EVI5L: variants seen among roughly 807,000 people sequenced by gnomAD.
EVI5L encodes EVI5-like protein.
In EVI5L, 30 loss-of-function variants were observed where a neutral mutation model predicts 106.1. That is an observed-to-expected ratio of 0.28 (90% confidence interval 0.21 to 0.38). The LOEUF (loss-of-function observed/expected upper bound fraction) is 0.38, where lower values mean the gene tolerates loss of function less well. Among genes scored for constraint, EVI5L ranks in the 10% least tolerant of loss-of-function variants. The pLI, the probability that EVI5L is intolerant of heterozygous loss-of-function variation, is 1.00. For missense variants in EVI5L, 809 were observed against 1,098.0 expected (o/e 0.74, Z 3.72); for synonymous variants, 489 against 483.3 (o/e 1.01, Z -0.15).
Position 7,857,428 on chromosome 19 carries a change from A to C in EVI5L, c.1233+304A>C, listed in dbSNP as rs1027742001. The C allele has an allele frequency of 2.1e-5, 12 of 563,354 alleles. No homozygotes were observed. The highest frequency in any genetic ancestry group is 3.5e-5 in the Non-Finnish European group (11 of 313,154). The allele number at this position is 563,354 out of a possible 1,614,324, so 34.9% of individuals were successfully genotyped here. ...GGGACCCAGGAGGGCTGGGGAACCT[A>C]AAACCATATTCACATAAGGCCCTGG... On this transcript the variant is annotated intron_variant, in intron 12 of 19. Transcript: ENST00000538904. The surrounding 1 kb of genome is among the most constrained non-coding windows in gnomAD (Gnocchi z 4.5).
rs1839134126 is a variant in EVI5L, at chr19:7,856,569, G to T, written c.1200+501G>T. ...GGGGGTGGAATTGGGGGCTCACTGAGCCCCAGCCCCGGGAGCCCCCAATTC... is the reference window on the plus strand; with the variant it reads ...GGGGGTGGAATTGGGGGCTCACTGATCCCCAGCCCCGGGAGCCCCCAATTC... On this transcript the variant is annotated intron_variant, in intron 11 of 19. Coordinates refer to ENST00000538904, the MANE Select transcript of EVI5L (RefSeq NM_001159944.3). The surrounding 1 kb of genome is among the most constrained non-coding windows in gnomAD (Gnocchi z 6.6). 6.6e-6 allele frequency among the ~76,000 whole-genome samples: 1 copy of T among 151,964 alleles called. No homozygotes were observed. The highest frequency in any genetic ancestry group is 2.4e-5 in the African/African-American group (1 of 41,380).
intron 1 of EVI5L, among the ~76,000 whole-genome samples, chr19:7,833,146 T>C (rs900391004): frequency 1.3e-5 from 2 of 152,208 alleles, no homozygotes; most frequent in African/African-American, 4.8e-5. Flanking sequence ...GAGCTGCATC[T>C]TTGTTTGAGC....
intron 1 of EVI5L, among the ~76,000 whole-genome samples, chr19:7,836,566 CATA>C (rs1193783691): frequency 6.6e-6 from 1 of 152,146 alleles, no homozygotes; most frequent in African/African-American, 2.4e-5. Flanking sequence ...CTCTCTGTGC[CATA>C]TGGCACTTGT....
intron 1 of EVI5L, among the ~76,000 whole-genome samples, chr19:7,834,440 T>TC (rs1253463061): frequency 6.6e-6 from 1 of 152,208 alleles, no homozygotes; most frequent in Non-Finnish European, 1.5e-5. Flanking sequence ...AAAGAAAATT[T>TC]TTTTTTAGGT....
intron 17 of EVI5L, 46 bp downstream of exon 17, chr19:7,862,580 A>G (rs1271065888): frequency 9.9e-6 from 13 of 1,318,838 alleles, no homozygotes; most frequent in Non-Finnish European, 1.2e-5. Flanking sequence ...CCGCCCCCGG[A>G]CGCGCCCCTA....
chr19:7,863,111 G>A lies in EVI5L; in HGVS notation c.2043+44G>A. 1.3e-6 allele frequency: 2 copies of A among 1,524,694 alleles called. No individual in the cohort carries two copies. Among genetic ancestry groups the A allele is most frequent in the South Asian group, 2.4e-5 (2 of 82,050 alleles). 94.4% of individuals were successfully genotyped at this position (1,524,694 alleles called of 1,614,324 possible). A position where few individuals can be genotyped will look rare whatever the true frequency, so the allele number is the denominator to read the frequency against. ...GTCGGGGGGCGGGGGCGGGGGCAGG[G>A]CCCGGGGCAGGAGCGGGGCCGGACC... On this transcript the variant is annotated intron_variant, in intron 18 of 19. Transcript: ENST00000538904. The surrounding 1 kb of genome is among the most constrained non-coding windows in gnomAD (Gnocchi z 7.7).
At chr19:7,852,577 G>A (rs1253920544) in intron 8 of EVI5L, among the ~76,000 whole-genome samples, 3 of 149,906 alleles carry the variant, frequency 2.0e-5, no homozygotes, top group African/African-American at 4.9e-5. Context: ...TTTTTAAGTC[G>A]GAGTTGCTCT....
At chr19:7,862,719 A>ACCTGC (rs1979888382) in intron 17 of EVI5L, among the ~76,000 whole-genome samples, 185 bp downstream of exon 17, 4 of 54,282 alleles carry the variant, frequency 7.4e-5, no homozygotes, top group African/African-American at 2.7e-4. Flanking sequence ...CCGCCTCCTG[A>ACCTGC]TCCGGCCCCG....
At position 7,857,079 on chromosome 19, in the gene EVI5L, C is replaced by T; in HGVS notation, c.1201-13C>T. 1 of 1,551,832 alleles carries T rather than the reference C, an allele frequency of 6.4e-7. No individual in the cohort carries two copies. Among genetic ancestry groups the T allele is most frequent in the Admixed American group, 2.0e-5 (1 of 51,014 alleles). On this transcript the variant is annotated splice_polypyrimidine_tract_variant and intron_variant, in intron 11 of 19. Transcript: ENST00000538904. The surrounding 1 kb of genome is among the most constrained non-coding windows in gnomAD (Gnocchi z 4.5). ...TCCTCCCCCTGTCGCTGGGAACCCC[C>T]TTCGCCGGGTAGGAGAGCGCTGCTC...
chr19:7,841,448 G>A (rs534477859), intron 1 of EVI5L, among the ~76,000 whole-genome samples: 45 of 152,050 alleles, frequency 3.0e-4, no homozygotes, highest in African/African-American at 1.1e-3. Context: ...AAGCATGCGC[G>A]GCAGTGCCCC....
At chr19:7,860,211 A>T (rs1302037153) in intron 13 of EVI5L, among the ~76,000 whole-genome samples, 2 of 151,940 alleles carry the variant, frequency 1.3e-5, no homozygotes, top group East Asian at 3.9e-4. Flanking sequence ...CTCGCCCACC[A>T]TGTGGCTGGA....
intron 1 of EVI5L, among the ~76,000 whole-genome samples, chr19:7,843,384 A>AGTGTGTACAT (rs1568235206): frequency 4.0e-5 from 1 of 24,924 alleles, no homozygotes; most frequent in East Asian, 8.7e-4. Flanking sequence ...GGGTGTGTCG[A>AGTGTGTACAT]GTGTGTGCAT....
At chr19:7,853,216 A>C (rs765157758) in intron 9 of EVI5L, 33 bp downstream of exon 9, 6 of 1,613,866 alleles carry the variant, frequency 3.7e-6, no homozygotes, top group Non-Finnish European at 5.1e-6. Context: ...GGGTACTGGT[A>C]AGAAGGGGGG....
Position 7,858,338 on chromosome 19 carries a change from G to T in EVI5L, c.1374+7G>T, listed in dbSNP as rs753150973. The T allele has an allele frequency of 6.5e-7, 1 of 1,542,804 alleles. No individual in the cohort carries two copies. The highest frequency in any genetic ancestry group is 8.7e-7 in the Non-Finnish European group (1 of 1,146,036). ...GCAGCTACAGGAGCAGCAGGTAGGG[G>T]CGGGTGTGCGGGGCTGCTGGGCGGG... On this transcript the variant is annotated splice_region_variant and intron_variant, in intron 13 of 19. Transcript: ENST00000538904. The surrounding 1 kb of genome is among the most constrained non-coding windows in gnomAD (Gnocchi z 5.7).
At position 7,859,190 on chromosome 19, in the gene EVI5L, CA is replaced by C. The variant is rs61053600; in HGVS notation, c.1374+879del. On this transcript the variant is annotated intron_variant, in intron 13 of 19. Coordinates refer to ENST00000538904, the MANE Select transcript of EVI5L (RefSeq NM_001159944.3). ...TGGGTGACAGAGCAAGACTCCATCT[CA>C]AAAAAAAAAAAAAAAAAAACTTAAC... 7.9e-3 allele frequency: 740 copies of C among 93,542 alleles called. 4 individuals carry two copies. Among genetic ancestry groups the C allele is most frequent in the East Asian group, 0.026 (71 of 2,710 alleles). The allele number at this position is 93,542 out of a possible 1,614,324, so 5.8% of individuals were successfully genotyped here.
At chr19:7,853,445 C>T in intron 10 of EVI5L, 112 bp downstream of exon 10, 2 of 1,429,704 alleles carry the variant, frequency 1.4e-6, no homozygotes, top group Non-Finnish European at 1.9e-6. Flanking sequence ...CACAGGCGGA[C>T]CCGGCGGTCC....
rs746351497 is a variant in EVI5L at position 7,853,272 on chromosome 19, G to T, written c.1086-1G>T. On this transcript the variant is annotated splice_acceptor_variant, in intron 9 of 19. Coordinates refer to ENST00000538904, the MANE Select transcript of EVI5L (RefSeq NM_001159944.3). LOFTEE classifies it high-confidence loss of function. ...AACCACGGGGCCCTCCCGATCTGCA[G>T]GCTGGAGAAGGAGTACGCAGCCATG... 6.2e-7 allele frequency: 1 copy of T among 1,613,840 alleles called. No homozygotes were observed.
In EVI5L at chr19:7,848,336, C is replaced by A. The variant is rs2146424742; in HGVS notation, c.327+415C>A. ...GGTAGGCCGGGCGCAGTGGCTCACG[C>A]CTGTAATCCCAGTTCGTTGGAAGGT... On this transcript the variant is annotated intron_variant, in intron 3 of 19. Coordinates refer to ENST00000538904, the MANE Select transcript of EVI5L (RefSeq NM_001159944.3). The surrounding 1 kb of genome is among the most constrained non-coding windows in gnomAD (Gnocchi z 4.8). Among the ~76,000 whole-genome samples the A allele has an allele frequency of 6.6e-6, 1 of 152,230 alleles. No homozygotes were observed. The highest frequency in any genetic ancestry group is 2.1e-4 in the South Asian group (1 of 4,824).
rs1179403883 is a variant in EVI5L at position 7,863,108 on chromosome 19, A to G, written c.2043+41A>G. On this transcript the variant is annotated intron_variant, in intron 18 of 19. Coordinates refer to ENST00000538904, the MANE Select transcript of EVI5L (RefSeq NM_001159944.3). This position sits in a 1 kb window ranked among gnomAD's most constrained non-coding sequence, Gnocchi z 7.7. The stretch of plus-strand genomic sequence containing the variant: ...GGGGTCGGGGGGCGGGGGCGGGGGC[A>G]GGGCCCGGGGCAGGAGCGGGGCCGG... 1.1e-4 allele frequency: 79 copies of G among 696,062 alleles called. No homozygotes were observed. Among genetic ancestry groups the G allele is most frequent in the Non-Finnish European group, 1.9e-4 (75 of 385,414 alleles). The allele number at this position is 696,062 out of a possible 1,614,324, so 43.1% of individuals were successfully genotyped here.
Sources: gnomAD v4.1 joint callset for allele counts (sites outside exome capture counted in the v4.1 genomes callset) on GRCh38, gnomAD v4.1.1 for gene constraint, Gnocchi (gnomAD v3.1) non-coding constraint, MANE v1.5 for transcripts, NCBI Gene and HGNC (gene_info 2026-07-23, HGNC 2026-07-21) for gene names.